The following LRP1B variants were observed in gnomAD, a reference collection of about 807,000 sequenced individuals.
LRP1B encodes LDL receptor related protein 1B, also known as low-density lipoprotein receptor-related protein 1B.
LRP1B carries 217 observed loss-of-function variants against 556.6 expected under a neutral mutation model. That is an observed-to-expected ratio of 0.39 (90% CI 0.35 to 0.44). LRP1B has a LOEUF of 0.44. Ranked by LOEUF, LRP1B falls within the 20% of genes least tolerant of loss-of-function variation. The pLI, the probability that LRP1B is intolerant of heterozygous loss-of-function variation, is 1.00. For synonymous variants in LRP1B, 2,047 were observed against 1,865.8 expected (o/e 1.10, Z -2.50); for missense variants, 5,053 against 5,620.8 (o/e 0.90, Z 3.23).
rs768276172 is a variant in LRP1B at position 141,974,179 on chromosome 2, GAAACTCTAC to G, written c.82+156460_82+156468del. ...TCTGAAATTAGAAAGACCTGGTTGA[GAAACTCTAC>G]ACCCAGAACAGGAAAGTGTTAAGTT... On this transcript the variant is annotated intron_variant, in intron 1 of 90. Transcript: ENST00000389484. 6.2e-3 allele frequency among the ~76,000 whole-genome samples: 937 copies of G among 152,052 alleles called. 8 individuals carry two copies. The highest frequency in any genetic ancestry group is 0.027 in the Middle Eastern group (8 of 294).
intron 2 of LRP1B, among the ~76,000 whole-genome samples, chr2:141,623,828 A>G (rs1688595187): frequency 6.6e-6 from 1 of 151,932 alleles, no homozygotes; most frequent in East Asian, 1.9e-4. Context: ...CAGCCTGGCT[A>G]AGATGGTGAA....
intron 31 of LRP1B, among the ~76,000 whole-genome samples, chr2:140,834,845 C>G (rs544778387): frequency 3.3e-5 from 5 of 152,238 alleles, no homozygotes; most frequent in Admixed American, 3.3e-4. Flanking sequence ...AGAAAGTTCT[C>G]TTTCAGATGT....
At chr2:141,017,491 CAG>C (rs1697938599) in intron 12 of LRP1B, among the ~76,000 whole-genome samples, 1 of 151,236 alleles carries the variant, frequency 6.6e-6, no homozygotes, top group African/African-American at 2.4e-5. Flanking sequence ...ACACACGAGA[CAG>C]AGATAAATCT....
At chr2:141,052,111 A>C (rs975020056) in intron 10 of LRP1B, among the ~76,000 whole-genome samples, 1 of 151,924 alleles carries the variant, frequency 6.6e-6, no homozygotes, top group Non-Finnish European at 1.5e-5. Context: ...GATAAGCATA[A>C]TTTTTTCAAT....
At chr2:140,691,875 T>C (rs1686255718) in intron 41 of LRP1B, among the ~76,000 whole-genome samples, 1 of 152,170 alleles carries the variant, frequency 6.6e-6, no homozygotes. Flanking sequence ...GTAGAGAGAA[T>C]ATGACTTGAG....
At position 140,534,094 on chromosome 2, in the gene LRP1B, G is replaced by A. The variant is rs2104994908; in HGVS notation, c.7689C>T (p.Arg2563=). The A allele has an allele frequency of 6.2e-7, 1 of 1,613,358 alleles. No homozygotes were observed. Among genetic ancestry groups the A allele is most frequent in the Middle Eastern group, 1.7e-4 (1 of 6,058 alleles). ...RRGFKPCYNR[R]CIPHGKLCDG... ...CACATAACTTGCCATGAGGAATGCA[G>A]CGGCGATTATAGCATGGCTTGAAGC... The change falls in exon 47 of 91, where the codon CGC becomes CGT. Residue 2563 remains arginine, a synonymous_variant. Coordinates refer to ENST00000389484, the MANE Select transcript of LRP1B (RefSeq NM_018557.3).
At chr2:141,296,938 A>G (rs946537125) in intron 3 of LRP1B, among the ~76,000 whole-genome samples, 21 of 152,140 alleles carry the variant, frequency 1.4e-4, no homozygotes, top group Admixed American at 5.9e-4. Flanking sequence ...GCTCCCACTT[A>G]TAGGTGAGAA....
At chr2:141,390,255 T>C (rs1377343609) in intron 3 of LRP1B, among the ~76,000 whole-genome samples, 1 of 152,072 alleles carries the variant, frequency 6.6e-6, no homozygotes, top group East Asian at 1.9e-4. Flanking sequence ...GGAAAGCCAC[T>C]CCTCCTACAA....
At chr2:141,014,718 C>T (rs1343958801) in intron 13 of LRP1B, among the ~76,000 whole-genome samples, 1 of 151,954 alleles carries the variant, frequency 6.6e-6, no homozygotes, top group South Asian at 2.1e-4. Context: ...CCAAAATGTG[C>T]TGGCCATGAA....
intron 86 of LRP1B, among the ~76,000 whole-genome samples, chr2:140,263,211 G>A (rs967291455): frequency 9.9e-5 from 15 of 151,978 alleles, no homozygotes; most frequent in African/African-American, 3.6e-4. Context: ...GAGCCACCAC[G>A]CCTGGTCTGA....
chr2:141,617,046 G>A (rs1020629469), intron 2 of LRP1B, among the ~76,000 whole-genome samples: 1 of 152,166 alleles, frequency 6.6e-6, no homozygotes, highest in Admixed American at 6.6e-5. Context: ...AACTCCTGAA[G>A]TTAGTATTAT....
At position 141,878,554 on chromosome 2, in the gene LRP1B, G is replaced by T. The variant is rs181834614; in HGVS notation, c.83-68153C>A. ...GAAATAAAGGAAGAAAGACAGAAAA[G>T]AGTTTAACCAGTTTGGTATATTTCA... On this transcript the variant is annotated intron_variant, in intron 1 of 90. Transcript: ENST00000389484. 2.7e-3 allele frequency among the ~76,000 whole-genome samples: 415 copies of T among 151,980 alleles called. 6 individuals carry two copies. The highest frequency in any genetic ancestry group is 9.7e-3 in the African/African-American group (404 of 41,494).
rs573842478 is a variant in LRP1B, at chr2:140,848,605, A to G, written c.4939+1497T>C. Among the ~76,000 whole-genome samples, 18 of 152,304 alleles carry G rather than the reference A, an allele frequency of 1.2e-4. No homozygotes were observed. In the South Asian group the frequency reaches 3.5e-3, roughly 30 times the overall value. On this transcript the variant is annotated intron_variant, in intron 29 of 90. Transcript: ENST00000389484. ...CAAATATGTCTGACTTTAAATTTTC[A>G]ATAGACTTGAAAGCATAGGTGTTTG...
chr2:140,450,490 A>T, intron 63 of LRP1B, 78 bp downstream of exon 63: 1 of 1,034,670 alleles, frequency 9.7e-7, no homozygotes, highest in Non-Finnish European at 1.5e-6. Flanking sequence ...GCAATACTTT[A>T]GGTGTAGATT....
chr2:140,664,849 A>T (rs1685213302), intron 41 of LRP1B, among the ~76,000 whole-genome samples: 1 of 152,156 alleles, frequency 6.6e-6, no homozygotes, highest in African/African-American at 2.4e-5. Flanking sequence ...ACATTATAAA[A>T]AAAATTCTGA....
At chr2:141,581,974 A>G (rs954937797) in intron 2 of LRP1B, among the ~76,000 whole-genome samples, 2 of 152,210 alleles carry the variant, frequency 1.3e-5, no homozygotes, top group Admixed American at 6.5e-5. Context: ...TGGAAAATAC[A>G]TATAAAATTA....
At chr2:141,550,510 A>G (rs1430595960) in intron 2 of LRP1B, among the ~76,000 whole-genome samples, 1 of 152,204 alleles carries the variant, frequency 6.6e-6, no homozygotes, top group Non-Finnish European at 1.5e-5. Flanking sequence ...GTGCTTCTCA[A>G]AAAGTACTAT....
At chr2:141,973,821 C>T (rs10202050) in intron 1 of LRP1B, among the ~76,000 whole-genome samples, 130,574 of 151,802 alleles carry the variant, frequency 0.86, 56,268 homozygotes, top group East Asian at 1. Flanking sequence ...CGATGATACA[C>T]TTGTTGTAAG....
rs545880665 is a variant in LRP1B at position 140,922,895 on chromosome 2, A to G, written c.3319+70T>C. 7.4e-6 allele frequency: 10 copies of G among 1,352,548 alleles called. No homozygotes were observed. The African/African-American group carries it at 1.3e-4, about 18-fold the overall frequency. 83.8% of individuals were successfully genotyped at this position (1,352,548 alleles called of 1,614,324 possible). On this transcript the variant is annotated intron_variant, in intron 21 of 90. Transcript: ENST00000389484. ...TACTTTTTACAAAGGTGAGATACAG[A>G]TTCAGCCTGAGCCAAAAGGACTCCA...
Sources: allele counts gnomAD v4.1 joint callset (sites outside exome capture counted in the v4.1 genomes callset), GRCh38; gene constraint gnomAD v4.1.1; transcripts MANE v1.5; gene names NCBI Gene and HGNC (gene_info 2026-07-23, HGNC 2026-07-21).